The following MIPEP variants were observed in gnomAD, a reference collection of about 807,000 sequenced individuals.
The protein encoded by MIPEP is mitochondrial intermediate peptidase.
Under a neutral mutation model 90.3 loss-of-function variants are expected in MIPEP, and 79 were observed. The observed-to-expected ratio is 0.87, with a 90% CI of 0.73 to 1.05. The LOEUF (loss-of-function observed/expected upper bound fraction) is 1.05, where lower values mean the gene tolerates loss of function less well. MIPEP is among the 50% of genes least tolerant of loss of function. The pLI is 0.00. For synonymous variants in MIPEP, 334 were observed against 315.8 expected (o/e 1.06, Z -0.61); for missense variants, 940 against 905.6 (o/e 1.04, Z -0.49).
intron 18 of MIPEP, among the ~76,000 whole-genome samples, chr13:23,743,455 G>A (rs1264677165): frequency 6.6e-6 from 1 of 152,214 alleles, no homozygotes; most frequent in Admixed American, 6.5e-5. Flanking sequence ...CAGTTCTTGA[G>A]AAAATCAGAC....
chr13:23,839,530 G>T, intron 12 of MIPEP, 119 bp downstream of exon 12: 2 of 520,050 alleles, frequency 3.8e-6, no homozygotes, highest in South Asian at 5.7e-5. Flanking sequence ...TATATATTTG[G>T]TAACCATCAT....
chr13:23,839,867 GAT>G, intron 11 of MIPEP, 141 bp from the exon 12 acceptor site: 1 of 560,376 alleles, frequency 1.8e-6, no homozygotes, highest in Non-Finnish European at 3.1e-6. Flanking sequence ...ATTATCTCGA[GAT>G]AGATTCTCTT....
chr13:23,794,635 A>T (rs571870445), intron 16 of MIPEP, among the ~76,000 whole-genome samples: 1 of 152,310 alleles, frequency 6.6e-6, no homozygotes, highest in Non-Finnish European at 1.5e-5. Flanking sequence ...TTAGTTCCTT[A>T]TATCTAGCTT....
rs952554695 is a variant in MIPEP at position 23,753,236 on chromosome 13, A to T, written c.2044+3309T>A. ...GAGACTCCATCTCAAAAAAAAAAAA[A>T]AAAATAATAATAATAATAAGACAAA... is the stretch of plus-strand genomic sequence containing the variant. On this transcript the variant is annotated intron_variant, in intron 18 of 18. Transcript: ENST00000382172. 4.0e-5 allele frequency among the ~76,000 whole-genome samples: 6 copies of T among 149,926 alleles called. No individual in the cohort carries two copies. In the South Asian group the frequency reaches 6.2e-4, roughly 16 times the overall value.
intron 6 of MIPEP, among the ~76,000 whole-genome samples, chr13:23,869,795 C>T (rs891826689): frequency 6.6e-6 from 1 of 152,162 alleles, no homozygotes; most frequent in Non-Finnish European, 1.5e-5. Context: ...ATTAATCATA[C>T]TTTAAAAATA....
At position 23,749,570 on chromosome 13, in the gene MIPEP, G is replaced by A. The variant is rs147889780; in HGVS notation, c.2044+6975C>T. Among the ~76,000 whole-genome samples the A allele has an allele frequency of 2.2e-3, 328 of 152,298 alleles. 2 individuals are homozygous for A. Among genetic ancestry groups the A allele is most frequent in the Middle Eastern group, 0.01 (3 of 294 alleles). Reference sequence around the variant, plus strand: ...CAAAGAGCTTTCTCCAGCCCATTCTGTACAGAGTCCTTCGCAGTCACTCAG... The same window carrying A: ...CAAAGAGCTTTCTCCAGCCCATTCTATACAGAGTCCTTCGCAGTCACTCAG... On this transcript the variant is annotated intron_variant, in intron 18 of 18. Transcript: ENST00000382172.
intron 18 of MIPEP, among the ~76,000 whole-genome samples, chr13:23,731,621 G>GA (rs1952205711): frequency 2.0e-5 from 3 of 151,944 alleles, no homozygotes; most frequent in East Asian, 3.9e-4. Flanking sequence ...TGCATAAAAG[G>GA]AAAAAATGTT....
At chr13:23,781,019 G>A (rs549442004) in intron 16 of MIPEP, among the ~76,000 whole-genome samples, 2 of 152,304 alleles carry the variant, frequency 1.3e-5, no homozygotes, top group Non-Finnish European at 2.9e-5. Context: ...AACCAAGTTG[G>A]AAAACACTCT....
chr13:23,870,878 T>G (rs191024723), intron 5 of MIPEP, among the ~76,000 whole-genome samples: 1 of 152,312 alleles, frequency 6.6e-6, no homozygotes, highest in East Asian at 1.9e-4. Context: ...AAGCACATTT[T>G]AAAAGTTCTG....
In MIPEP at chr13:23,809,063, C is replaced by T. The variant is rs546236479; in HGVS notation, c.1728+787G>A. On this transcript the variant is annotated intron_variant, in intron 15 of 18. Transcript: ENST00000382172. Reference sequence around the variant, plus strand: ...CAATCTCAGTCATTACAAACATCTACGCATCTGATGTCATGCAGACCTGGC... The same window carrying T: ...CAATCTCAGTCATTACAAACATCTATGCATCTGATGTCATGCAGACCTGGC... Among the ~76,000 whole-genome samples the T allele has an allele frequency of 2.0e-5, 3 of 152,240 alleles. No individual in the cohort carries two copies. In the South Asian group the frequency reaches 6.2e-4, roughly 32 times the overall value.
intron 4 of MIPEP, among the ~76,000 whole-genome samples, chr13:23,878,999 G>C (rs1424766701): frequency 6.6e-6 from 1 of 152,174 alleles, no homozygotes; most frequent in Non-Finnish European, 1.5e-5. Flanking sequence ...ATAGATGATA[G>C]ACAAATAAAC....
intron 16 of MIPEP, among the ~76,000 whole-genome samples, chr13:23,774,943 C>G (rs1012354337): frequency 5.3e-5 from 8 of 151,788 alleles, no homozygotes; most frequent in African/African-American, 1.9e-4. Flanking sequence ...TACAGGTGCA[C>G]ACCACCATGC....
At chr13:23,793,283 A>G (rs374912799) in intron 16 of MIPEP, among the ~76,000 whole-genome samples, 9 of 152,364 alleles carry the variant, frequency 5.9e-5, no homozygotes, top group East Asian at 1.9e-4. Context: ...ATGCAACAAG[A>G]CAGTGGATCT....
In MIPEP at chr13:23,785,531, G is replaced by A. The variant is rs140779171; in HGVS notation, c.1848+20419C>T. On this transcript the variant is annotated intron_variant, in intron 16 of 18. Coordinates refer to ENST00000382172, the MANE Select transcript of MIPEP (RefSeq NM_005932.4). ...AGGAGATATACCCAATGTAAATGAC[G>A]AGTTAATGGGTGCAGCACACCAACA... Among the ~76,000 whole-genome samples, 157 of 150,936 alleles carry A rather than the reference G, an allele frequency of 1.0e-3. 1 individual carries two copies. Among genetic ancestry groups the A allele is most frequent in the African/African-American group, 3.7e-3 (152 of 41,080 alleles).
chr13:23,800,678 C>A (rs1953025741), intron 16 of MIPEP, among the ~76,000 whole-genome samples: 2 of 152,146 alleles, frequency 1.3e-5, no homozygotes, highest in African/African-American at 4.8e-5. Context: ...GTAAAGAAAG[C>A]ATCATTATTT....
At position 23,820,660 on chromosome 13, in the gene MIPEP, T is replaced by C. The variant is rs1349412787; in HGVS notation, c.1654-10736A>G. Among the ~76,000 whole-genome samples, 4 of 152,348 alleles carry C rather than the reference T, an allele frequency of 2.6e-5. No homozygotes were observed. In the East Asian group the frequency reaches 7.7e-4, roughly 29 times the overall value. On this transcript the variant is annotated intron_variant, in intron 14 of 18. Coordinates refer to ENST00000382172, the MANE Select transcript of MIPEP (RefSeq NM_005932.4). ...TTATTAGAAAGCTTCTCTTCAGCTC[T>C]TCTCCATCGCACCTGGCTCTGCCTC...
At chr13:23,750,398 C>T (rs1416278257) in intron 18 of MIPEP, among the ~76,000 whole-genome samples, 2 of 152,204 alleles carry the variant, frequency 1.3e-5, no homozygotes, top group African/African-American at 2.4e-5. Flanking sequence ...TCTCAGACTT[C>T]GTTTTCAATG....
intron 16 of MIPEP, among the ~76,000 whole-genome samples, chr13:23,788,318 A>G (rs1257125269): frequency 6.6e-6 from 1 of 152,216 alleles, no homozygotes; most frequent in African/African-American, 2.4e-5. Flanking sequence ...GCTATGTTAC[A>G]ATGTGATCAC....
intron 9 of MIPEP, among the ~76,000 whole-genome samples, chr13:23,859,798 C>T (rs1220730812): frequency 6.6e-6 from 1 of 152,196 alleles, no homozygotes; most frequent in Non-Finnish European, 1.5e-5. Flanking sequence ...ATGTTGGCTA[C>T]TCTCCTTATT....
Sources: gnomAD v4.1 joint callset for allele counts (sites outside exome capture counted in the v4.1 genomes callset) on GRCh38, gnomAD v4.1.1 for gene constraint, MANE v1.5 for transcripts, NCBI Gene and HGNC (gene_info 2026-07-23, HGNC 2026-07-21) for gene names.